TMEM41B: variants seen among roughly 807,000 people sequenced by gnomAD.
TMEM41B encodes protein stasimon.
TMEM41B carries 18 observed loss-of-function variants against 31.9 expected under a neutral mutation model. That is an observed-to-expected ratio of 0.56 (90% CI 0.39 to 0.84). TMEM41B has a LOEUF of 0.84. Ranked by LOEUF, TMEM41B falls within the 40% of genes least tolerant of loss-of-function variation. The pLI is 0.00. For missense variants in TMEM41B, 322 were observed against 348.0 expected (o/e 0.93, Z 0.59); for synonymous variants, 144 against 124.3 (o/e 1.16, Z -1.05).
intron 1 of TMEM41B, among the ~76,000 whole-genome samples, chr11:9,299,975 T>A (rs1483735762): frequency 1.3e-5 from 2 of 151,978 alleles, no homozygotes; most frequent in Non-Finnish European, 2.9e-5. Flanking sequence ...CAAAATTAGC[T>A]GGGCATGGTG....
chr11:9,291,947 C>G (rs1322866591), intron 3 of TMEM41B, among the ~76,000 whole-genome samples: 1 of 152,094 alleles, frequency 6.6e-6, no homozygotes, highest in Non-Finnish European at 1.5e-5. Context: ...ACCTCGTGAT[C>G]CACCTGCCTC....
At chr11:9,308,139 G>C (rs778244078) in intron 1 of TMEM41B, among the ~76,000 whole-genome samples, 8 of 152,142 alleles carry the variant, frequency 5.3e-5, no homozygotes, top group Non-Finnish European at 1.2e-4. Context: ...TTGAAGTCAG[G>C]AGTTCCAGAC....
chr11:9,312,497 T>A (rs969644176), intron 1 of TMEM41B, among the ~76,000 whole-genome samples: 1 of 152,114 alleles, frequency 6.6e-6, no homozygotes, highest in Non-Finnish European at 1.5e-5. Context: ...CGAGGCCTTG[T>A]CTCAAGTCAC....
At chr11:9,309,591 G>A (rs939654053) in intron 1 of TMEM41B, among the ~76,000 whole-genome samples, 3 of 151,114 alleles carry the variant, frequency 2.0e-5, no homozygotes, top group African/African-American at 7.3e-5. Flanking sequence ...AAATAGCAAG[G>A]CAGGATCTAG....
chr11:9,298,981 T>C (rs952271832), intron 2 of TMEM41B, among the ~76,000 whole-genome samples: 8 of 151,274 alleles, frequency 5.3e-5, no homozygotes, highest in Non-Finnish European at 7.4e-5. Context: ...TATTTTGCCC[T>C]TCTAAAATAT....
rs543573113 is a variant in TMEM41B at position 9,286,957 on chromosome 11, G to A, written c.568-364C>T. On this transcript the variant is annotated intron_variant, in intron 5 of 6. Coordinates refer to ENST00000528080, the MANE Select transcript of TMEM41B (RefSeq NM_015012.4). ...AGAGGTTGCAATGAGCCAAGATCACGCCACTGCACTTCAGCTTGGGCAACA... is the reference window on the plus strand; with the variant it reads ...AGAGGTTGCAATGAGCCAAGATCACACCACTGCACTTCAGCTTGGGCAACA... Among the ~76,000 whole-genome samples the A allele has an allele frequency of 2.6e-5, 4 of 151,500 alleles. No homozygotes were observed. The South Asian group carries it at 6.3e-4, about 24-fold the overall frequency.
intron 1 of TMEM41B, among the ~76,000 whole-genome samples, chr11:9,300,873 G>A (rs143660123): frequency 0.013 from 1,998 of 149,636 alleles, 48 homozygotes; most frequent in African/African-American, 0.047. Context: ...GCAAGATTCC[G>A]TCTCAAAAAA....
chr11:9,289,826 A>G (rs189228770), intron 3 of TMEM41B, among the ~76,000 whole-genome samples: 1 of 152,280 alleles, frequency 6.6e-6, no homozygotes, highest in East Asian at 1.9e-4. Context: ...TCTACATTAC[A>G]GGTAATTTCT....
At chr11:9,307,527 C>T (rs1853430183) in intron 1 of TMEM41B, among the ~76,000 whole-genome samples, 1 of 151,700 alleles carries the variant, frequency 6.6e-6, no homozygotes, top group South Asian at 2.1e-4. Context: ...ACCACAACCT[C>T]CGTCTCCCAG....
intron 2 of TMEM41B, among the ~76,000 whole-genome samples, chr11:9,298,627 G>A (rs1198526983): frequency 6.6e-6 from 1 of 151,962 alleles, no homozygotes; most frequent in Non-Finnish European, 1.5e-5. Flanking sequence ...TTAGCCAGCC[G>A]TGGTGGCACA....
chr11:9,289,331 T>G lies in TMEM41B; in HGVS notation c.369-796A>C, dbSNP rs768544736. ...TGTTTTTAAAATAGATTTTTTTTTT[T>G]TTTTACTTTCCTGTCGTTCCCAGTT... On this transcript the variant is annotated intron_variant, in intron 3 of 6. Coordinates refer to ENST00000528080, the MANE Select transcript of TMEM41B (RefSeq NM_015012.4). Among the ~76,000 whole-genome samples, 667 of 152,260 alleles carry G rather than the reference T, an allele frequency of 4.4e-3. 2 individuals carry two copies. The highest frequency in any genetic ancestry group is 6.7e-3 in the Non-Finnish European group (454 of 68,018).
In TMEM41B at chr11:9,288,483, A is replaced by T. The variant is rs775565876; in HGVS notation, c.421T>A (p.Phe141Ile). Residue 141 changes from phenylalanine (F) to isoleucine (I), a missense_variant, in exon 4 of 7, where the codon TTT becomes ATT. Physicochemically the swap from Phe to Ile is conservative, Grantham distance 21 (BLOSUM62 0). Around this residue, in one of 3 missense-constraint regions of TMEM41B, gnomAD observed 183 missense variants for 175.3 expected, o/e 1.04. Transcript: ENST00000528080. ...AAGGCTAGTGGAAAGGGATAAAGAAACCCTGAGAGTATACTGAGAAATATA... is the reference window on the plus strand; with the variant it reads ...AAGGCTAGTGGAAAGGGATAAAGAATCCCTGAGAGTATACTGAGAAATATA... ...GSIFLSILSG[F>I]LYPFPLALFL... The T allele has an allele frequency of 1.4e-5, 23 of 1,597,248 alleles. No homozygotes were observed. Among genetic ancestry groups the T allele is most frequent in the Middle Eastern group, 1.7e-4 (1 of 5,962 alleles).
intron 2 of TMEM41B, among the ~76,000 whole-genome samples, chr11:9,298,256 C>G (rs1360146461): frequency 7.3e-6 from 1 of 136,476 alleles, no homozygotes; most frequent in Non-Finnish European, 1.6e-5. Context: ...GCCAGGAGTT[C>G]AAGACCAGCT....
chr11:9,298,352 G>A (rs186475855), intron 2 of TMEM41B, among the ~76,000 whole-genome samples: 281 of 151,366 alleles, frequency 1.9e-3, no homozygotes, highest in African/African-American at 6.6e-3. Context: ...CCAGCTACTC[G>A]TGAGACTGAG....
intron 2 of TMEM41B, 110 bp downstream of exon 2, chr11:9,299,474 C>T (rs1186479930): frequency 8.3e-6 from 6 of 723,406 alleles, no homozygotes; most frequent in Non-Finnish European, 1.4e-5. Flanking sequence ...CCACCCACCT[C>T]GGCCTCCCAA....
At chr11:9,285,464 G>C (rs1434836016) in intron 6 of TMEM41B, among the ~76,000 whole-genome samples, 1 of 151,972 alleles carries the variant, frequency 6.6e-6, no homozygotes, top group Non-Finnish European at 1.5e-5. Context: ...ATTAACTTAA[G>C]CTTTAATAGG....
intron 3 of TMEM41B, among the ~76,000 whole-genome samples, chr11:9,292,554 G>A (rs1352288308): frequency 2.0e-5 from 3 of 152,024 alleles, no homozygotes; most frequent in Admixed American, 2.0e-4. Context: ...GCTAGGCCTG[G>A]TGACTCACAC....
At chr11:9,284,966 G>A (rs1179655746) in intron 6 of TMEM41B, among the ~76,000 whole-genome samples, 3 of 151,932 alleles carry the variant, frequency 2.0e-5, no homozygotes, top group Non-Finnish European at 4.4e-5. Context: ...ATAAAATGGA[G>A]ATAGAAACAA....
intron 1 of TMEM41B, among the ~76,000 whole-genome samples, chr11:9,300,032 T>A (rs1435678909): frequency 6.6e-6 from 1 of 152,120 alleles, no homozygotes; most frequent in Non-Finnish European, 1.5e-5. Context: ...GGCAGGAGAA[T>A]CACTTAAATT....
Sources: allele counts gnomAD v4.1 joint callset (sites outside exome capture counted in the v4.1 genomes callset), GRCh38; gene constraint gnomAD v4.1.1; regional missense constraint gnomAD v4.1.1; transcripts MANE v1.5; gene names NCBI Gene and HGNC (gene_info 2026-07-23, HGNC 2026-07-21).